The following DYNLT3 variants were observed in gnomAD, a reference collection of about 807,000 sequenced individuals.
DYNLT3 encodes the protein dynein light chain Tctex-type 3, also known as protein 91/23.
Under a neutral mutation model 11.0 loss-of-function variants are expected in DYNLT3, and 4 were observed. The observed-to-expected ratio is 0.36, with a 90% CI of 0.18 to 0.83. DYNLT3 has a LOEUF of 0.83. Ranked by LOEUF, DYNLT3 falls within the 40% of genes least tolerant of loss-of-function variation. The pLI is 0.47. For missense variants in DYNLT3, 91 were observed against 91.1 expected (o/e 1.00, Z 0.01); for synonymous variants, 37 against 31.2 (o/e 1.18, Z -0.61).
In DYNLT3 at chrX:37,840,363, T is replaced by G. The variant is rs190291711; in HGVS notation, c.*212A>C. The G allele has an allele frequency of 9.2e-4, 235 of 254,550 alleles. 2 individuals carry two copies. The highest frequency in any genetic ancestry group is 6.2e-3 in the African/African-American group (219 of 35,154). 21.0% of individuals were successfully genotyped at this position (254,550 alleles called of 1,213,427 possible). A position where few individuals can be genotyped will look rare whatever the true frequency, so the allele number is the denominator to read the frequency against. ...AAATTTATTTTTTGCTAGCATTAAATTTTTCCTATTTAAACGATGCTGTAT... is the reference window on the plus strand; with the variant it reads ...AAATTTATTTTTTGCTAGCATTAAAGTTTTCCTATTTAAACGATGCTGTAT... On this transcript the variant is annotated 3_prime_UTR_variant, in exon 5 of 5. Transcript: ENST00000378578.
At position 37,841,696 on chromosome X, in the gene DYNLT3, C is replaced by G. The variant is rs1930163254; in HGVS notation, c.196+86G>C. 6.1e-6 allele frequency: 6 copies of G among 985,762 alleles called. No individual in the cohort carries two copies. In the South Asian group the frequency reaches 1.8e-4, roughly 30 times the overall value. The allele number at this position is 985,762 out of a possible 1,213,427, so 81.2% of individuals were successfully genotyped here. ...CCCTTTTAGTATCCAACTTAAATGT[C>G]TATTGTACATATACCTTCTCAAAAT... On this transcript the variant is annotated intron_variant, in intron 3 of 4. Transcript: ENST00000378578.
Position 37,840,593 on chromosome X carries a change from G to A in DYNLT3, c.333C>T (p.Ala111=). The A allele has an allele frequency of 1.7e-6, 2 of 1,202,532 alleles. No homozygotes were observed. Among genetic ancestry groups the A allele is most frequent in the Non-Finnish European group, 2.2e-6 (2 of 891,381 alleles). The change falls in exon 5 of 5, where the codon GCC becomes GCT. Residue 111 remains alanine (A), a synonymous_variant. Coordinates refer to ENST00000378578, the MANE Select transcript of DYNLT3 (RefSeq NM_006520.3). ...TAGTCAGTTAAAGAACAATAGCAAT[G>A]GCAAAAACGTTGACAATACAGTTCA... The part of the protein sequence containing the change: ...RTMNCIVNVF[A]IAIVL
chrX:37,846,441 GACA>G, intron 1 of DYNLT3, 83 bp from the exon 2 acceptor site: 1 of 1,009,822 alleles, frequency 9.9e-7, no homozygotes, highest in African/African-American at 1.9e-5. Context: ...GGCTGGCCTA[GACA>G]GGTGTTAAAG....
Position 37,841,911 on chromosome X carries a change from A to G in DYNLT3, c.73-6T>C. ...CCTAAAACCCCATCTACACACTAAA[A>G]GGGCACAGAGGGCAGTTAATTTAGT... On this transcript the variant is annotated splice_region_variant and splice_polypyrimidine_tract_variant and intron_variant, in intron 2 of 4. Coordinates refer to ENST00000378578, the MANE Select transcript of DYNLT3 (RefSeq NM_006520.3). The G allele has an allele frequency of 9.2e-7, 1 of 1,089,317 alleles. No individual in the cohort carries two copies. The highest frequency in any genetic ancestry group is 1.2e-6 in the Non-Finnish European group (1 of 821,505). 89.8% of individuals were successfully genotyped at this position (1,089,317 alleles called of 1,213,427 possible). A position where few individuals can be genotyped will look rare whatever the true frequency, so the allele number is the denominator to read the frequency against.
Position 37,840,660 on chromosome X carries a change from C to CA in DYNLT3, c.275-10dup. On this transcript the variant is annotated splice_polypyrimidine_tract_variant and intron_variant, in intron 4 of 4. Coordinates refer to ENST00000378578, the MANE Select transcript of DYNLT3 (RefSeq NM_006520.3). ...TCTTACGGTACAGGTTCCTGAAACA[C>CA]AAAAAAAGGATTTTGAAATACCAGC... The CA allele has an allele frequency of 3.4e-6, 4 of 1,168,435 alleles. No homozygotes were observed. The highest frequency in any genetic ancestry group is 2.0e-5 in the South Asian group (1 of 50,697).
rs1333910056 is a variant in DYNLT3 at position 37,840,787 on chromosome X, CACAT to C, written c.275-140_275-137del. ...ACACACACACACACACACACACACA[CACAT>C]ATATATATATATATATACACATACA... On this transcript the variant is annotated intron_variant, in intron 4 of 4. Transcript: ENST00000378578. 1,271 of 330,037 alleles carry C rather than the reference CACAT, an allele frequency of 3.9e-3. 4 individuals are homozygous for C. The highest frequency in any genetic ancestry group is 0.01 in the East Asian group (220 of 21,645). The allele number at this position is 330,037 out of a possible 1,213,427, so 27.2% of individuals were successfully genotyped here.
chrX:37,847,071 A>T, intron 1 of DYNLT3: 1 of 1,164,287 alleles, frequency 8.6e-7, no homozygotes, highest in Non-Finnish European at 1.1e-6. Context: ...TGCCACCAGG[A>T]CCCCGAGACT....
chrX:37,841,142 C>G (rs960667348), intron 3 of DYNLT3, 37 bp from the exon 4 acceptor site: 3 of 1,152,880 alleles, frequency 2.6e-6, no homozygotes, highest in South Asian at 2.0e-5. Flanking sequence ...CACTTACAGA[C>G]AAAGGAAAAG....
At chrX:37,846,224 A>T in intron 2 of DYNLT3, 93 bp downstream of exon 2, 1 of 862,533 alleles carries the variant, frequency 1.2e-6, no homozygotes, top group Non-Finnish European at 1.6e-6. Context: ...TTTAACAGTA[A>T]GGTTTCTAAG....
chrX:37,842,001 A>G (rs1201038432), intron 2 of DYNLT3, 96 bp from the exon 3 acceptor site: 2 of 819,496 alleles, frequency 2.4e-6, no homozygotes, highest in Non-Finnish European at 1.6e-6. Flanking sequence ...TCAAAACATA[A>G]AATATACTTA....
chrX:37,847,163 G>GGGAAGA, intron 1 of DYNLT3: 1 of 1,129,210 alleles, frequency 8.9e-7, no homozygotes, highest in Non-Finnish European at 1.2e-6. Context: ...TTCGAGGCCC[G>GGGAAGA]CCCGGTAGGA....
intron 2 of DYNLT3, among the ~76,000 whole-genome samples, chrX:37,843,441 G>C (rs1460708266): frequency 8.9e-6 from 1 of 112,181 alleles, no homozygotes; most frequent in African/African-American, 3.2e-5. Context: ...TTAACATCTA[G>C]CCTAATTAAT....
chrX:37,847,224 G>C (rs1930282751), intron 1 of DYNLT3: 6 of 1,016,554 alleles, frequency 5.9e-6, no homozygotes, highest in Non-Finnish European at 6.5e-6. Flanking sequence ...GTCAGGCCTC[G>C]TCCTCCCAAC....
intron 1 of DYNLT3, chrX:37,847,166 C>G (rs1930281834): frequency 6.2e-6 from 7 of 1,124,916 alleles, no homozygotes; most frequent in Non-Finnish European, 8.2e-6. Flanking sequence ...GAGGCCCGCC[C>G]GGTAGGAGGG....
At chrX:37,845,229 T>C (rs1930244801) in intron 2 of DYNLT3, among the ~76,000 whole-genome samples, 1 of 112,270 alleles carries the variant, frequency 8.9e-6, no homozygotes, top group South Asian at 3.6e-4. Flanking sequence ...TCAGGCTACA[T>C]AGATAGAATG....
intron 4 of DYNLT3, 77 bp downstream of exon 4, chrX:37,840,951 A>C: frequency 2.9e-6 from 3 of 1,018,163 alleles, no homozygotes; most frequent in Non-Finnish European, 4.1e-6. Context: ...TCAGAATTAA[A>C]TAAGTACTTG....
intron 2 of DYNLT3, among the ~76,000 whole-genome samples, chrX:37,843,200 G>A (rs1930204569): frequency 8.9e-6 from 1 of 112,475 alleles, no homozygotes. Context: ...GAAGGGTAGT[G>A]GCTTAAGGAT....
Position 37,845,354 on chromosome X carries a change from T to C in DYNLT3, c.72+963A>G, listed in dbSNP as rs375102311. On this transcript the variant is annotated intron_variant, in intron 2 of 4. Transcript: ENST00000378578. ...AGACCTGGGTGTCAAAAAATACCTT[T>C]CCCACACTGTGGTCTGTATGTGATA... 2.7e-4 allele frequency among the ~76,000 whole-genome samples: 30 copies of C among 112,306 alleles called. No homozygotes were observed. In the South Asian group the frequency reaches 8.8e-3, roughly 33 times the overall value.
rs1438669427 is a variant in DYNLT3 at position 37,847,567 on chromosome X, G to A, written c.-57C>T. 1 of 949,844 alleles carries A rather than the reference G, an allele frequency of 1.1e-6. No individual in the cohort carries two copies. 78.3% of individuals were successfully genotyped at this position (949,844 alleles called of 1,213,427 possible). Reference sequence around the variant, plus strand: ...CACGCCGGTAGAGCACCGCGGCCGCGCACTGGCCTCCGGGGAGGCCCCACC... The same window carrying A: ...CACGCCGGTAGAGCACCGCGGCCGCACACTGGCCTCCGGGGAGGCCCCACC... On this transcript the variant is annotated 5_prime_UTR_variant, in exon 1 of 5. Transcript: ENST00000378578.
Sources: allele counts gnomAD v4.1 joint callset (sites outside exome capture counted in the v4.1 genomes callset), GRCh38; gene constraint gnomAD v4.1.1; transcripts MANE v1.5; gene names NCBI Gene and HGNC (gene_info 2026-07-23, HGNC 2026-07-21).